Variants in IQCE observed in about 807,000 individuals in gnomAD.
The protein encoded by IQCE is IQ domain-containing protein E.
In IQCE, 115 loss-of-function variants were observed where a neutral mutation model predicts 96.0. The observed-to-expected ratio is 1.20, with a 90% CI of 1.03 to 1.40. The LOEUF (loss-of-function observed/expected upper bound fraction) is 1.40, where lower values mean the gene tolerates loss of function less well. IQCE is among the 40% of genes most tolerant of loss of function. The pLI is 0.00. For synonymous variants in IQCE, 412 were observed against 371.2 expected (o/e 1.11, Z -1.26); for missense variants, 1,041 against 909.1 (o/e 1.15, Z -1.87).
At chr7:2,571,396 TGCCAGAA>T in intron 3 of IQCE, 123 bp from the exon 4 acceptor site, 1 of 1,123,860 alleles carries the variant, frequency 8.9e-7, no homozygotes, top group Admixed American at 2.1e-5. Context: ...TTTTCATTTT[TGCCAGAA>T]TGTTTGACTA....
chr7:2,561,465 G>A (rs1780951128), intron 1 of IQCE, among the ~76,000 whole-genome samples: 1 of 148,258 alleles, frequency 6.7e-6, no homozygotes, highest in Non-Finnish European at 1.5e-5. Context: ...CTGTTGCCCA[G>A]GCTGGAGTGC....
Position 2,602,658 on chromosome 7 carries a change from C to A in IQCE, c.1632+1194C>A, listed in dbSNP as rs937465870. Among the ~76,000 whole-genome samples the A allele has an allele frequency of 5.9e-5, 9 of 152,352 alleles. No individual in the cohort carries two copies. The Middle Eastern group carries it at 0.017, about 288-fold the overall frequency. ...CGTCAGGGCGGGGCTTGACTTCCCC[C>A]TGCCCCACCCATGTCCCCTTCCCCT... On this transcript the variant is annotated intron_variant, in intron 18 of 21. Transcript: ENST00000402050.
chr7:2,593,680 A>G (rs1030852472), intron 15 of IQCE, among the ~76,000 whole-genome samples: 6 of 152,186 alleles, frequency 3.9e-5, no homozygotes, highest in African/African-American at 1.4e-4. Context: ...AATGTCCAGA[A>G]CGGGCGGACC....
chr7:2,602,165 G>T (rs892051334), intron 18 of IQCE, among the ~76,000 whole-genome samples: 5 of 152,198 alleles, frequency 3.3e-5, no homozygotes, highest in African/African-American at 1.2e-4. Flanking sequence ...TGCAAGGTGG[G>T]CCTCGCAGGA....
Position 2,589,973 on chromosome 7 carries a change from T to C in IQCE, c.1111T>C (p.Cys371Arg), listed in dbSNP as rs61736917. 7.4e-4 allele frequency: 1,202 copies of C among 1,613,976 alleles called. 8 individuals are homozygous for C. In the African/African-American group the frequency reaches 0.014, roughly 19 times the overall value. Residue 371 changes from cysteine (C) to arginine (R), a missense_variant, in exon 14 of 22, where the codon TGC (cysteine) becomes CGC (arginine). Coordinates refer to ENST00000402050, the MANE Select transcript of IQCE (RefSeq NM_152558.5). ...GCCAGTCAGATCACACCCGCCAGCC[T>C]GCCTTGCATCCAGCTCTGCGCTGCA... ...AEPVRSHPPA[C>R]LASSSALHRQ...
Position 2,601,440 on chromosome 7 carries a change from GA to G in IQCE, c.1616del (p.Lys539ArgfsTer25), listed in dbSNP as rs759821884. The G allele has an allele frequency of 3.3e-5, 50 of 1,519,826 alleles. No homozygotes were observed. Among genetic ancestry groups the G allele is most frequent in the South Asian group, 6.0e-5 (5 of 83,556 alleles). The allele number at this position is 1,519,826 out of a possible 1,614,324, so 94.1% of individuals were successfully genotyped here. A position where few individuals can be genotyped will look rare whatever the true frequency, so the allele number is the denominator to read the frequency against. On this transcript the variant is annotated frameshift_variant and splice_region_variant, in exon 18 of 22. Transcript: ENST00000402050. LOFTEE classifies it high-confidence loss of function. ...TTTTTTCTTTCTTTTTTTTTTTCCA[GA>G]AAAAAAAGGCTGTTCTGGATGAGGT... ...QAQWKVYKHK[K>X]KKAVLDEAAV...
intron 8 of IQCE, among the ~76,000 whole-genome samples, chr7:2,580,816 G>A (rs544396488): frequency 4.6e-5 from 7 of 152,318 alleles, no homozygotes; most frequent in South Asian, 4.1e-4. Flanking sequence ...GCACACACAC[G>A]GCCATGCACA....
chr7:2,580,441 C>G (rs1008738509), intron 8 of IQCE, among the ~76,000 whole-genome samples: 1 of 152,112 alleles, frequency 6.6e-6, no homozygotes, highest in East Asian at 1.9e-4. Flanking sequence ...GAAGCCCCAT[C>G]TGTACTAAAA....
intron 14 of IQCE, among the ~76,000 whole-genome samples, chr7:2,592,760 T>C (rs1783706517): frequency 6.6e-6 from 1 of 152,134 alleles, no homozygotes; most frequent in Non-Finnish European, 1.5e-5. Flanking sequence ...AACTCCTCAT[T>C]CTATGGCCTG....
At chr7:2,598,319 G>C (rs1355847139) in intron 16 of IQCE, 146 bp from the exon 17 acceptor site, 1 of 745,336 alleles carries the variant, frequency 1.3e-6, no homozygotes, top group African/African-American at 1.8e-5. Flanking sequence ...CTGCAGACCA[G>C]TGTGGAACAG....
At chr7:2,573,377 T>C in intron 5 of IQCE, 41 bp from the exon 6 acceptor site, 3 of 928,850 alleles carry the variant, frequency 3.2e-6, no homozygotes, top group Non-Finnish European at 5.3e-6. Flanking sequence ...TCTTTCTACT[T>C]TGTAGATAGT....
At position 2,572,226 on chromosome 7, in the gene IQCE, C is replaced by A; in HGVS notation, c.294C>A (p.Thr98=). Residue 98 remains threonine (T), a synonymous_variant, in exon 5 of 22, where the codon ACC becomes ACA. Coordinates refer to ENST00000402050, the MANE Select transcript of IQCE (RefSeq NM_152558.5). The part of the protein sequence containing the change: ...SLTQALNSPL[T]WEHAWTGVPG... The stretch of plus-strand genomic sequence containing the variant: ...CCCAGGCCCTGAACTCACCCCTCAC[C>A]TGGGAGCATGCGTGGACTGGCGTCC... The A allele has an allele frequency of 6.2e-7, 1 of 1,614,172 alleles. No individual in the cohort carries two copies. The highest frequency in any genetic ancestry group is 8.5e-7 in the Non-Finnish European group (1 of 1,180,002).
intron 6 of IQCE, among the ~76,000 whole-genome samples, chr7:2,577,906 G>T: frequency 8.0e-6 from 1 of 124,572 alleles, no homozygotes; most frequent in Non-Finnish European, 1.7e-5. Context: ...TGTCGTGTGC[G>T]TGGCTGTGCG....
chr7:2,587,804 C>T lies in IQCE; in HGVS notation c.989-18C>T. The T allele has an allele frequency of 6.2e-7, 1 of 1,613,756 alleles. No individual in the cohort carries two copies. Among genetic ancestry groups the T allele is most frequent in the Non-Finnish European group, 8.5e-7 (1 of 1,179,738 alleles). On this transcript the variant is annotated intron_variant, in intron 12 of 21. Coordinates refer to ENST00000402050, the MANE Select transcript of IQCE (RefSeq NM_152558.5). ...TGCCCACCAGGATGCCGTTTTGAAA[C>T]CGCATTGCTTCCATCAGGTTATGTG...
chr7:2,571,305 C>CACCT, intron 3 of IQCE: 1 of 515,128 alleles, frequency 1.9e-6, no homozygotes, highest in Non-Finnish European at 3.4e-6. Flanking sequence ...AGGCATGAGC[C>CACCT]ACCATGCCTG....
Position 2,572,276 on chromosome 7 carries a change from C to T in IQCE, c.344C>T (p.Thr115Ile). The T allele has an allele frequency of 6.2e-7, 1 of 1,614,214 alleles. No individual in the cohort carries two copies. The highest frequency in any genetic ancestry group is 8.5e-7 in the Non-Finnish European group (1 of 1,180,018). The part of the protein sequence containing the change: ...GVPGGTPDCL[T>I]DTFRVKRPHL... ...CCCGGCGGCACTCCTGACTGTCTGACAGACACCTTCAGAGTGAAGAGGCCA... is the reference window on the plus strand; with the variant it reads ...CCCGGCGGCACTCCTGACTGTCTGATAGACACCTTCAGAGTGAAGAGGCCA... The change falls in exon 5 of 22, where the codon ACA becomes ATA. Residue 115 changes from threonine (T) to isoleucine (I), a missense_variant. Thr to Ile is a moderately conservative substitution (Grantham distance 89). Coordinates refer to ENST00000402050, the MANE Select transcript of IQCE (RefSeq NM_152558.5).
intron 21 of IQCE, among the ~76,000 whole-genome samples, chr7:2,608,179 C>T (rs764431886): frequency 2.6e-5 from 4 of 152,224 alleles, no homozygotes; most frequent in Non-Finnish European, 4.4e-5. Flanking sequence ...CCCAGGGAGC[C>T]GGCAGCCCCC....
At chr7:2,566,981 T>C in intron 1 of IQCE, 135 bp from the exon 2 acceptor site, 4 of 714,640 alleles carry the variant, frequency 5.6e-6, no homozygotes. Context: ...TGGAGTGTTC[T>C]GAGTGGCCTC....
At position 2,568,985 on chromosome 7, in the gene IQCE, C is replaced by T. The variant is rs1452061485; in HGVS notation, c.116C>T (p.Pro39Leu). 1.2e-6 allele frequency: 2 copies of T among 1,613,842 alleles called. No homozygotes were observed. The highest frequency in any genetic ancestry group is 1.7e-5 in the Admixed American group (1 of 59,998). ...KAKRKAFHKP[P>L]PTSPKSPYLS... is the part of the protein sequence containing the mutation. ...AAAAGGAAAGCTTTCCACAAACCTC[C>T]ACCCACATCGCCAAGTAAGTATGAC... The change falls in exon 3 of 22, where the codon CCA (proline) becomes CTA (leucine). Residue 39 changes from proline to leucine, a missense_variant. Pro to Leu is a moderately conservative substitution (Grantham distance 98). Coordinates refer to ENST00000402050, the MANE Select transcript of IQCE (RefSeq NM_152558.5).
Sources: allele counts gnomAD v4.1 joint callset (sites outside exome capture counted in the v4.1 genomes callset), GRCh38; gene constraint gnomAD v4.1.1; transcripts MANE v1.5; gene names NCBI Gene and HGNC (gene_info 2026-07-23, HGNC 2026-07-21).